Variants in PLBD1 observed in about 807,000 individuals in gnomAD.
The protein encoded by PLBD1 is phospholipase B domain containing 1.
In PLBD1, 60 loss-of-function variants were observed where a neutral mutation model predicts 63.0. That is an observed-to-expected ratio of 0.95 (90% confidence interval 0.77 to 1.18). The LOEUF is 1.18. Among genes scored for constraint, PLBD1 ranks in the 50% most tolerant of loss-of-function variants. The pLI is 0.00. For missense variants in PLBD1, 598 were observed against 677.9 expected, an observed-to-expected ratio of 0.88 and a Z score of 1.31; for synonymous variants, 262 against 248.0, an observed-to-expected ratio of 1.06 and a Z score of -0.53.
chr12:14,564,843 A>G (rs187046008), intron 1 of PLBD1, among the ~76,000 whole-genome samples: 2 of 152,314 alleles, frequency 1.3e-5, no homozygotes, highest in Non-Finnish European at 2.9e-5. Flanking sequence ...TAAAGGATCA[A>G]CTGAAACTGA....
At chr12:14,519,975 G>A (rs556281318) in intron 6 of PLBD1, among the ~76,000 whole-genome samples, 2 of 152,190 alleles carry the variant, frequency 1.3e-5, no homozygotes, top group Admixed American at 1.3e-4. Flanking sequence ...ACCACAAGAA[G>A]AGCAGAGATC....
chr12:14,561,874 A>C (rs1375459742), intron 1 of PLBD1, among the ~76,000 whole-genome samples: 1 of 152,172 alleles, frequency 6.6e-6, no homozygotes, highest in Non-Finnish European at 1.5e-5. Flanking sequence ...AAACTTTCAC[A>C]CTGGCTGGGA....
intron 10 of PLBD1, among the ~76,000 whole-genome samples, chr12:14,505,534 G>A (rs1481523776): frequency 6.6e-6 from 1 of 152,188 alleles, no homozygotes; most frequent in Non-Finnish European, 1.5e-5. Flanking sequence ...TTCACTGACT[G>A]GTTTGAAGCC....
chr12:14,519,628 A>T (rs1945361496), intron 6 of PLBD1, among the ~76,000 whole-genome samples: 1 of 151,832 alleles, frequency 6.6e-6, no homozygotes, highest in African/African-American at 2.4e-5. Flanking sequence ...TAAAAAAAAA[A>T]AAAAAAAAAG....
intron 1 of PLBD1, among the ~76,000 whole-genome samples, chr12:14,562,419 C>T (rs957235953): frequency 7.6e-5 from 10 of 131,956 alleles, no homozygotes; most frequent in African/African-American, 2.8e-4. Context: ...GAGATTGCAG[C>T]ACTGCGGTCC....
chr12:14,551,034 C>G (rs137974788), intron 2 of PLBD1, among the ~76,000 whole-genome samples: 1 of 151,442 alleles, frequency 6.6e-6, no homozygotes, highest in African/African-American at 2.4e-5. Flanking sequence ...AGAGCAAGAC[C>G]CTGTCTTAAA....
chr12:14,518,387 G>A (rs948288868), intron 6 of PLBD1, among the ~76,000 whole-genome samples: 2 of 152,132 alleles, frequency 1.3e-5, no homozygotes, highest in African/African-American at 4.8e-5. Flanking sequence ...TCCCATTCAT[G>A]TTATTTATCA....
At chr12:14,532,253 A>C (rs892600078) in intron 6 of PLBD1, among the ~76,000 whole-genome samples, 1 of 152,198 alleles carries the variant, frequency 6.6e-6, no homozygotes, top group African/African-American at 2.4e-5. Flanking sequence ...GATTTGCTGC[A>C]AAGGCCCGTT....
In PLBD1 at chr12:14,535,681, G is replaced by A. The variant is rs147235511; in HGVS notation, c.822C>T (p.Arg274=). Residue 274 remains arginine, a synonymous_variant, in exon 6 of 11, where the codon CGC becomes CGT. Coordinates refer to ENST00000240617, the MANE Select transcript of PLBD1 (RefSeq NM_024829.6). ...TACCTGGGTAACTGCTGAAAGAGAG[G>A]CGACTACTGCTGGTATCTTTATCTA... ...NVIDKDTSSS[R]LSFSSYPGFL... is the part of the protein sequence containing the mutation. 1.3e-4 allele frequency: 211 copies of A among 1,613,934 alleles called. No homozygotes were observed. Among genetic ancestry groups the A allele is most frequent in the Non-Finnish European group, 1.7e-5 (20 of 1,179,954 alleles).
At chr12:14,543,813 T>C (rs1203427927) in intron 2 of PLBD1, among the ~76,000 whole-genome samples, 1 of 152,234 alleles carries the variant, frequency 6.6e-6, no homozygotes, top group Non-Finnish European at 1.5e-5. Flanking sequence ...TTGTTCCTTA[T>C]ATACCACACC....
intron 6 of PLBD1, among the ~76,000 whole-genome samples, chr12:14,517,498 A>T (rs942096725): frequency 6.9e-6 from 1 of 144,966 alleles, no homozygotes; most frequent in Non-Finnish European, 1.5e-5. Context: ...CATCATTTCT[A>T]AAAAAAAAAA....
At position 14,537,611 on chromosome 12, in the gene PLBD1, C is replaced by G. The variant is rs138418430; in HGVS notation, c.559-901G>C. ...AAGCAATTATCAGATTGTACTTGAACATGAACTTTGTGCAAACTGGAGAGC... is the reference window on the plus strand; with the variant it reads ...AAGCAATTATCAGATTGTACTTGAAGATGAACTTTGTGCAAACTGGAGAGC... On this transcript the variant is annotated intron_variant, in intron 4 of 10. Transcript: ENST00000240617. Among the ~76,000 whole-genome samples, 535 of 152,322 alleles carry G rather than the reference C, an allele frequency of 3.5e-3. 2 individuals are homozygous for G. Among genetic ancestry groups the G allele is most frequent in the African/African-American group, 0.012 (494 of 41,576 alleles).
chr12:14,536,628 T>A lies in PLBD1; in HGVS notation c.641A>T (p.Asn214Ile), dbSNP rs1476817675. Residue 214 changes from asparagine (N) to isoleucine (I), a missense_variant, in exon 5 of 11, where the codon AAC becomes ATC. Transcript: ENST00000240617. Reference sequence around the variant, plus strand: ...TCTCTTAAAAACCTTTAGGCTGCCGTTTTTTGTGGGAGAGAGTGAGGGAAT... The same window carrying A: ...TCTCTTAAAAACCTTTAGGCTGCCGATTTTTGTGGGAGAGAGTGAGGGAAT... ...DLIPSLSPTK[N>I]GSLKVFKRWD... The A allele has an allele frequency of 6.2e-7, 1 of 1,613,992 alleles. No homozygotes were observed. Among genetic ancestry groups the A allele is most frequent in the African/African-American group, 1.3e-5 (1 of 74,888 alleles).
chr12:14,540,361 G>C (rs1211790471), intron 4 of PLBD1, among the ~76,000 whole-genome samples: 1 of 151,794 alleles, frequency 6.6e-6, no homozygotes, highest in African/African-American at 2.4e-5. Flanking sequence ...GAATGTATAT[G>C]TGTTTGTGTG....
At chr12:14,539,682 A>G (rs1945549610) in intron 4 of PLBD1, among the ~76,000 whole-genome samples, 1 of 151,352 alleles carries the variant, frequency 6.6e-6, no homozygotes. Context: ...GCTACTCGGG[A>G]GGATGAGGCA....
At position 14,508,880 on chromosome 12, in the gene PLBD1, A is replaced by G. The variant is rs532494235; in HGVS notation, c.1187-1762T>C. ...AAGAAACAGAGTTTCAGAGAGGTCAATTGTCTTCCTTGGCTCACAAAACTT... is the reference window on the plus strand; with the variant it reads ...AAGAAACAGAGTTTCAGAGAGGTCAGTTGTCTTCCTTGGCTCACAAAACTT... On this transcript the variant is annotated intron_variant, in intron 8 of 10. Transcript: ENST00000240617. Among the ~76,000 whole-genome samples the G allele has an allele frequency of 3.4e-3, 515 of 152,316 alleles. 1 individual carries two copies. The highest frequency in any genetic ancestry group is 4.2e-3 in the Non-Finnish European group (288 of 68,028).
chr12:14,536,861 G>A, intron 4 of PLBD1, 151 bp from the exon 5 acceptor site: 3 of 978,920 alleles, frequency 3.1e-6, no homozygotes, highest in East Asian at 2.5e-5. Context: ...GGCCAACGCG[G>A]GTGGATCTCC....
chr12:14,516,258 G>A (rs1591995701), intron 6 of PLBD1, among the ~76,000 whole-genome samples: 3 of 152,312 alleles, frequency 2.0e-5, no homozygotes, highest in Admixed American at 6.5e-5. Context: ...GAACCCAGGA[G>A]GCGGAGGCTG....
intron 6 of PLBD1, chr12:14,531,273 G>A (rs1945459178): frequency 6.6e-6 from 1 of 151,912 alleles, no homozygotes; most frequent in African/African-American, 2.4e-5. Flanking sequence ...CCTATTTTTT[G>A]TTATGAGAAA....
Sources: gnomAD v4.1 joint callset for allele counts (sites outside exome capture counted in the v4.1 genomes callset) on GRCh38, gnomAD v4.1.1 for gene constraint, MANE v1.5 for transcripts, NCBI Gene and HGNC (gene_info 2026-07-23, HGNC 2026-07-21) for gene names.